The following PPAT variants were observed in gnomAD, a reference collection of about 807,000 sequenced individuals.
PPAT encodes the protein phosphoribosyl pyrophosphate amidotransferase.
PPAT carries 20 observed loss-of-function variants against 60.2 expected under a neutral mutation model. The ratio of observed to expected loss-of-function variants is 0.33; its 90% CI spans 0.23 to 0.48. PPAT has a LOEUF of 0.48. PPAT is among the 20% of genes least tolerant of loss of function. The pLI is 0.99. For synonymous variants in PPAT, 194 were observed against 215.1 expected (o/e 0.90, Z 0.86); for missense variants, 349 against 629.6 (o/e 0.55, Z 4.77).
chr4:56,413,678 C>T (rs1218950835), intron 1 of PPAT, among the ~76,000 whole-genome samples: 2 of 151,832 alleles, frequency 1.3e-5, no homozygotes, highest in Admixed American at 1.3e-4. Flanking sequence ...GGTGGATCAC[C>T]TGAGGTCAGG....
At chr4:56,410,973 G>T in intron 1 of PPAT, 1 of 934,346 alleles carries the variant, frequency 1.1e-6, no homozygotes, top group Non-Finnish European at 1.3e-6. Context: ...TTTATGAACT[G>T]TAAAAGTTCA....
chr4:56,395,569 A>C, intron 10 of PPAT, 21 bp from the exon 11 acceptor site: 1 of 1,484,856 alleles, frequency 6.7e-7, no homozygotes, highest in Non-Finnish European at 8.9e-7. Context: ...AGGGAAAAAT[A>C]AAAATGTAAT....
intron 1 of PPAT, chr4:56,420,090 C>A: frequency 1.5e-6 from 1 of 668,262 alleles, no homozygotes; most frequent in Non-Finnish European, 1.9e-6. Context: ...CATGTTACAT[C>A]ACACAGGTTC....
intron 8 of PPAT, chr4:56,400,389 C>T (rs1716082470): frequency 6.4e-6 from 1 of 155,960 alleles, no homozygotes. Context: ...ATTGGTCAGG[C>T]TTCCAGTCAA....
rs186332215 is a variant in PPAT, at chr4:56,414,671, A to G, written c.129-6955T>C. On this transcript the variant is annotated intron_variant, in intron 1 of 10. Coordinates refer to ENST00000264220, the MANE Select transcript of PPAT (RefSeq NM_002703.5). The stretch of plus-strand genomic sequence containing the variant: ...GAGAGAGCTTTTCTGTTTCACTACC[A>G]TCTGTATGTTTGGTCCAGACTCTTT... 1.4e-3 allele frequency among the ~76,000 whole-genome samples: 220 copies of G among 152,294 alleles called. 1 individual carries two copies. Among genetic ancestry groups the G allele is most frequent in the African/African-American group, 5.0e-3 (206 of 41,564 alleles).
intron 7 of PPAT, 102 bp downstream of exon 7, chr4:56,401,228 G>A: frequency 3.7e-6 from 4 of 1,074,450 alleles, no homozygotes; most frequent in Non-Finnish European, 5.3e-6. Context: ...ATAACTATAT[G>A]CCTTCAAAGA....
intron 1 of PPAT, among the ~76,000 whole-genome samples, chr4:56,427,298 C>A (rs1717339657): frequency 6.6e-6 from 1 of 152,100 alleles, no homozygotes; most frequent in Non-Finnish European, 1.5e-5. Flanking sequence ...TTAGGACCTG[C>A]AGTACTGTTT....
chr4:56,423,821 G>A (rs980435902), intron 1 of PPAT, among the ~76,000 whole-genome samples: 2 of 152,104 alleles, frequency 1.3e-5, no homozygotes, highest in South Asian at 4.1e-4. Context: ...AAGGATCTCA[G>A]CAGCTAAATA....
At chr4:56,412,772 AT>A (rs1427492804) in intron 1 of PPAT, among the ~76,000 whole-genome samples, 1 of 152,166 alleles carries the variant, frequency 6.6e-6, no homozygotes, top group Admixed American at 6.5e-5. Flanking sequence ...CCAGAACTTC[AT>A]CATGTCTCAT....
At chr4:56,404,005 G>C (rs1284000832) in intron 3 of PPAT, 2 of 443,810 alleles carry the variant, frequency 4.5e-6, no homozygotes, top group East Asian at 7.0e-5. Context: ...GTGTGGCCTG[G>C]TTCCTAACAA....
chr4:56,410,265 T>C (rs762505523), intron 1 of PPAT, among the ~76,000 whole-genome samples: 1 of 152,248 alleles, frequency 6.6e-6, no homozygotes, highest in Non-Finnish European at 1.5e-5. Flanking sequence ...AACGGTTTTC[T>C]TTCCCTTTTG....
intron 1 of PPAT, chr4:56,425,455 A>C: frequency 1.1e-6 from 1 of 880,162 alleles, no homozygotes; most frequent in Non-Finnish European, 1.4e-6. Flanking sequence ...GCTCAGACAT[A>C]GGTATGCTGC....
chr4:56,421,703 A>G (rs1329373770), intron 1 of PPAT: 2 of 152,266 alleles, frequency 1.3e-5, no homozygotes, highest in African/African-American at 4.8e-5. Context: ...GGTGGACAAG[A>G]AAGAAACTGG....
At position 56,424,320 on chromosome 4, in the gene PPAT, G is replaced by GAA. The variant is rs569508749; in HGVS notation, c.128+11029_128+11030insTT. 6.6e-3 allele frequency among the ~76,000 whole-genome samples: 999 copies of GAA among 152,270 alleles called. 7 individuals are homozygous for GAA. Among genetic ancestry groups the GAA allele is most frequent in the South Asian group, 0.017 (80 of 4,820 alleles). Reference sequence around the variant, plus strand: ...ACTTCTGAAGGTTTTGATCTAGCAGGTTGGAGTCAGTTCAGGCACCCGTAT... The same window carrying GAA: ...ACTTCTGAAGGTTTTGATCTAGCAGGAATTGGAGTCAGTTCAGGCACCCGTAT... On this transcript the variant is annotated intron_variant, in intron 1 of 10. Transcript: ENST00000264220.
chr4:56,409,786 C>T (rs1010671090), intron 1 of PPAT, among the ~76,000 whole-genome samples: 1 of 152,112 alleles, frequency 6.6e-6, no homozygotes, highest in Admixed American at 6.5e-5. Flanking sequence ...CCATATGTGC[C>T]TGTAGACTTT....
At position 56,399,257 on chromosome 4, in the gene PPAT, A is replaced by T. The variant is rs2110037407; in HGVS notation, c.1158T>A (p.Val386=). Residue 386 remains valine (V), a synonymous_variant, in exon 9 of 11, where the codon GTT becomes GTA. Coordinates refer to ENST00000264220, the MANE Select transcript of PPAT (RefSeq NM_002703.5). ...LSDNFKGKRI[V]LVDDSIVRGN... ...CTCTGACAATTGAATCATCTACAAG[A>T]ACAATTCTTTTGCCTTTAAAGTTGT... 6.2e-7 allele frequency: 1 copy of T among 1,614,034 alleles called. No individual in the cohort carries two copies. Among genetic ancestry groups the T allele is most frequent in the Middle Eastern group, 1.7e-4 (1 of 6,058 alleles).
intron 1 of PPAT, among the ~76,000 whole-genome samples, chr4:56,418,402 C>T (rs1716880950): frequency 1.3e-5 from 2 of 152,128 alleles, no homozygotes; most frequent in Admixed American, 1.3e-4. Context: ...CCATTGCAAC[C>T]TCCACCTCCC....
intron 1 of PPAT, among the ~76,000 whole-genome samples, chr4:56,427,699 G>A (rs1233758350): frequency 3.3e-5 from 5 of 151,580 alleles, no homozygotes; most frequent in East Asian, 1.9e-4. Flanking sequence ...TAAAACCTAG[G>A]AGAATTTAAG....
Position 56,396,246 on chromosome 4 carries a change from C to G in PPAT, c.1357+373G>C, listed in dbSNP as rs1715965346. The G allele has an allele frequency of 6.3e-6, 1 of 157,598 alleles. No individual in the cohort carries two copies. Among genetic ancestry groups the G allele is most frequent in the African/African-American group, 2.4e-5 (1 of 41,522 alleles). The allele number at this position is 157,598 out of a possible 1,614,324, so 9.8% of individuals were successfully genotyped here. A position where few individuals can be genotyped will look rare whatever the true frequency, so the allele number is the denominator to read the frequency against. On this transcript the variant is annotated intron_variant, in intron 10 of 10. Coordinates refer to ENST00000264220, the MANE Select transcript of PPAT (RefSeq NM_002703.5). The surrounding 1 kb of genome is among the most constrained non-coding windows in gnomAD (Gnocchi z 4.6). ...CCTTATCTCATTATTGAATATGAAC[C>G]TACACAAACTTTTTACCTTGTGATT...
Sources: gnomAD v4.1 joint callset for allele counts (sites outside exome capture counted in the v4.1 genomes callset) on GRCh38, gnomAD v4.1.1 for gene constraint, Gnocchi (gnomAD v3.1) non-coding constraint, MANE v1.5 for transcripts, NCBI Gene and HGNC (gene_info 2026-07-23, HGNC 2026-07-21) for gene names.